DNAJB1: variants seen among roughly 807,000 people sequenced by gnomAD.
The protein encoded by DNAJB1 is DnaJ heat shock protein family (Hsp40) member B1.
In DNAJB1, 14 loss-of-function variants were observed where a neutral mutation model predicts 24.0. That is an observed-to-expected ratio of 0.58 (90% CI 0.39 to 0.91). DNAJB1 has a LOEUF of 0.91. Among genes scored for constraint, DNAJB1 ranks in the 40% least tolerant of loss-of-function variants. The pLI is 0.00. For missense variants in DNAJB1, 517 were observed against 458.1 expected (o/e 1.13, Z -1.17); for synonymous variants, 262 against 174.4 (o/e 1.50, Z -3.96).
At chr19:14,549,667 A>G (rs981166787) in intron 1 of DNAJB1, among the ~76,000 whole-genome samples, 8 of 151,536 alleles carry the variant, frequency 5.3e-5, no homozygotes, top group Admixed American at 3.9e-4. Flanking sequence ...ACTGTAGGCC[A>G]GGCGCAGTGG....
At position 14,518,397 on chromosome 19, in the gene DNAJB1, C is replaced by A. The variant is rs200088135; in HGVS notation, c.-48G>T. 1.5e-5 allele frequency: 23 copies of A among 1,508,666 alleles called. No homozygotes were observed. The highest frequency in any genetic ancestry group is 2.8e-5 in the African/African-American group (2 of 71,372). The allele number at this position is 1,508,666 out of a possible 1,614,324, so 93.5% of individuals were successfully genotyped here. A position where few individuals can be genotyped will look rare whatever the true frequency, so the allele number is the denominator to read the frequency against. On this transcript the variant is annotated 5_prime_UTR_variant, in exon 1 of 3. Transcript: ENST00000254322. ...ACCCGCTGTCGCCGTCCCCCGGCTC[C>A]GCCGCCGACCAGTCCCGGACTCTAT...
intron 1 of DNAJB1, among the ~76,000 whole-genome samples, chr19:14,547,154 T>A (rs1160866132): frequency 6.7e-6 from 1 of 150,052 alleles, no homozygotes. Flanking sequence ...TAGCCTCTTA[T>A]TTTTTTTTAA....
intron 1 of DNAJB1, among the ~76,000 whole-genome samples, chr19:14,545,410 G>GCACCGCTGTCTCCTCTC (rs141155703): frequency 0.13 from 20,040 of 148,826 alleles, 1,773 homozygotes; most frequent in South Asian, 0.25. Flanking sequence ...TGGGCCCTCT[G>GCACCGCTGTCTCCTCTC]CACCGCTGTC....
chr19:14,556,154 C>T (rs1225695866), intron 1 of DNAJB1, among the ~76,000 whole-genome samples: 1 of 152,218 alleles, frequency 6.6e-6, no homozygotes, highest in East Asian at 1.9e-4. Flanking sequence ...CTCTCCCTGA[C>T]TCACTCTGCT....
upstream of DNAJB1, among the ~76,000 whole-genome samples, chr19:14,519,383 TAAGTAAAATA>T (rs958004264): frequency 6.6e-6 from 1 of 151,902 alleles, no homozygotes; most frequent in African/African-American, 2.4e-5. Context: ...ATAAATAAAA[TAAGTAAAATA>T]AAGTAAAATG....
At chr19:14,529,834 G>C, upstream of DNAJB1, 1 of 1,409,858 alleles carries the variant, frequency 7.1e-7, no homozygotes, top group Non-Finnish European at 9.9e-7. Context: ...CGGCGCAGGC[G>C]CAGTGGGCAA....
rs376854236 is a variant in DNAJB1 at position 14,516,898 on chromosome 19, G to A, written c.360C>T (p.Asn120=). The part of the protein sequence containing the change: ...NPFDTFFGQR[N]GEEGMDIDDP... The stretch of plus-strand genomic sequence containing the variant: ...CATCAATGTCCATGCCTTCCTCCCC[G>A]TTCCGCTGCCCAAAAAAGGTGTCAA... The change falls in exon 2 of 3, where the codon AAC becomes AAT. Residue 120 remains asparagine, a synonymous_variant. Transcript: ENST00000254322. 3.1e-6 allele frequency: 5 copies of A among 1,614,020 alleles called. No individual in the cohort carries two copies. Among genetic ancestry groups the A allele is most frequent in the Non-Finnish European group, 4.2e-6 (5 of 1,180,008 alleles).
chr19:14,552,782 C>T (rs528386376), upstream of DNAJB1, among the ~76,000 whole-genome samples: 116 of 151,918 alleles, frequency 7.6e-4, 1 homozygote, highest in Admixed American at 1.6e-3. Context: ...GTGATCCACC[C>T]GCCTCGGCCT....
intron 1 of DNAJB1, among the ~76,000 whole-genome samples, chr19:14,545,338 G>A (rs1333283333): frequency 1.3e-5 from 2 of 152,184 alleles, no homozygotes; most frequent in Non-Finnish European, 2.9e-5. Context: ...CCTCATGCTG[G>A]CCCTCAGCTG....
upstream of DNAJB1, among the ~76,000 whole-genome samples, chr19:14,521,536 G>A (rs1341358836): frequency 6.6e-6 from 1 of 152,062 alleles, no homozygotes; most frequent in African/African-American, 2.4e-5. Context: ...TAAAAACACT[G>A]CGGAAGGGAT....
At chr19:14,517,319 T>A (rs2146521714) in intron 1 of DNAJB1, 1 of 409,516 alleles carries the variant, frequency 2.4e-6, no homozygotes, top group Non-Finnish European at 4.4e-6. Context: ...ACTCCTGGAC[T>A]GACCCATCCT....
chr19:14,546,725 C>A (rs946932040), intron 1 of DNAJB1, among the ~76,000 whole-genome samples: 3 of 152,094 alleles, frequency 2.0e-5, no homozygotes, highest in African/African-American at 4.8e-5. Flanking sequence ...TGCTCTGTTG[C>A]CCTGGCTGGA....
At chr19:14,519,488 A>G (rs2072337725), upstream of DNAJB1, among the ~76,000 whole-genome samples, 1 of 152,206 alleles carries the variant, frequency 6.6e-6, no homozygotes. Context: ...CACCTCCTAA[A>G]GCAAGGTGAG....
chr19:14,535,747 ACT>A (rs1475604755), intron 1 of DNAJB1, among the ~76,000 whole-genome samples: 3 of 90,130 alleles, frequency 3.3e-5, no homozygotes, highest in African/African-American at 4.7e-5. Flanking sequence ...ACAGAGTGAG[ACT>A]CTGTCTCAAA....
chr19:14,529,623 T>C (rs561305115), upstream of DNAJB1: 2,832 of 1,610,568 alleles, frequency 1.8e-3, 59 homozygotes, highest in South Asian at 0.029. Flanking sequence ...TTGCGAGCGC[T>C]GTAGGGAGCC....
At chr19:14,545,407 T>TTTGCACCG (rs1254339453) in intron 1 of DNAJB1, among the ~76,000 whole-genome samples, 2 of 152,160 alleles carry the variant, frequency 1.3e-5, no homozygotes, top group Non-Finnish European at 1.5e-5. Context: ...CTCTGGGCCC[T>TTTGCACCG]CTGCACCGCT....
chr19:14,549,726 C>T (rs1210238480), intron 1 of DNAJB1, among the ~76,000 whole-genome samples: 1 of 151,968 alleles, frequency 6.6e-6, no homozygotes, highest in Non-Finnish European at 1.5e-5. Flanking sequence ...GGGCAGATCA[C>T]GAGGTCAGGA....
At chr19:14,553,986 C>T (rs2073630784), upstream of DNAJB1, among the ~76,000 whole-genome samples, 1 of 152,192 alleles carries the variant, frequency 6.6e-6, no homozygotes, top group African/African-American at 2.4e-5. Context: ...CCAGGAAGTG[C>T]AGTCCCCTGC....
At chr19:14,533,500 A>G (rs1301347600), upstream of DNAJB1, among the ~76,000 whole-genome samples, 2 of 152,162 alleles carry the variant, frequency 1.3e-5, no homozygotes, top group Non-Finnish European at 2.9e-5. Flanking sequence ...TGTCCACTGA[A>G]AGGTTGGCCC....
Sources: allele counts gnomAD v4.1 joint callset (sites outside exome capture counted in the v4.1 genomes callset), GRCh38; gene constraint gnomAD v4.1.1; transcripts MANE v1.5; gene names NCBI Gene and HGNC (gene_info 2026-07-23, HGNC 2026-07-21).